The following DCC variants were observed in gnomAD, a reference collection of about 807,000 sequenced individuals.
DCC encodes the protein DCC netrin 1 receptor.
DCC carries 58 observed loss-of-function variants against 172.5 expected under a neutral mutation model. That is an observed-to-expected ratio of 0.34 (90% CI 0.27 to 0.42). The LOEUF (loss-of-function observed/expected upper bound fraction) is 0.42. Among genes scored for constraint, DCC ranks in the 10% least tolerant of loss-of-function variants. The pLI is 1.00. For missense variants in DCC, 1,740 were observed against 1,791.0 expected (o/e 0.97, Z 0.51); for synonymous variants, 709 against 644.5 (o/e 1.10, Z -1.52).
intron 1 of DCC, among the ~76,000 whole-genome samples, chr18:52,644,708 T>C (rs1319898204): frequency 6.6e-6 from 1 of 150,394 alleles, no homozygotes; most frequent in African/African-American, 2.5e-5. Flanking sequence ...TGAGCTATCA[T>C]TGTACCACTG....
intron 1 of DCC, among the ~76,000 whole-genome samples, chr18:52,461,135 C>T (rs907013031): frequency 3.3e-5 from 5 of 152,088 alleles, no homozygotes; most frequent in African/African-American, 9.7e-5. Context: ...AAGCTTTTCT[C>T]TATTTTAAAA....
chr18:53,165,318 G>A (rs2054900641), intron 8 of DCC, among the ~76,000 whole-genome samples: 1 of 152,148 alleles, frequency 6.6e-6, no homozygotes. Flanking sequence ...TCACTGTTCA[G>A]GATTAGAAAC....
intron 21 of DCC, among the ~76,000 whole-genome samples, chr18:53,428,463 T>TTACA (rs1491545104): frequency 3.3e-5 from 1 of 30,046 alleles, no homozygotes; most frequent in Non-Finnish European, 7.1e-5. Flanking sequence ...TTTATATATA[T>TTACA]TATATAATAT....
intron 5 of DCC, among the ~76,000 whole-genome samples, chr18:52,999,457 C>A (rs78328188): frequency 1.3e-4 from 20 of 152,062 alleles, no homozygotes; most frequent in Non-Finnish European, 1.6e-4. Flanking sequence ...GGCTTCTGTG[C>A]GGATGGAGCA....
At chr18:52,524,821 A>G (rs1034688563) in intron 1 of DCC, among the ~76,000 whole-genome samples, 5 of 152,126 alleles carry the variant, frequency 3.3e-5, no homozygotes, top group African/African-American at 1.2e-4. Flanking sequence ...GTTCTATATC[A>G]GATAGCATAT....
At chr18:52,811,275 T>A (rs1490319190) in intron 2 of DCC, among the ~76,000 whole-genome samples, 1 of 152,328 alleles carries the variant, frequency 6.6e-6, no homozygotes, top group East Asian at 1.9e-4. Context: ...ACCCTTTTTC[T>A]TATCACTTTT....
intron 1 of DCC, among the ~76,000 whole-genome samples, chr18:52,543,302 T>C (rs1206724744): frequency 6.6e-6 from 1 of 152,182 alleles, no homozygotes; most frequent in African/African-American, 2.4e-5. Context: ...ATTAAATCAA[T>C]ATATAATTAT....
chr18:52,741,204 T>C (rs146156470), intron 1 of DCC, among the ~76,000 whole-genome samples: 1 of 152,336 alleles, frequency 6.6e-6, no homozygotes, highest in East Asian at 1.9e-4. Flanking sequence ...CTCAAAACCC[T>C]ATTGACTCTA....
chr18:53,371,486 G>C (rs1023308634), intron 15 of DCC, among the ~76,000 whole-genome samples: 1 of 151,940 alleles, frequency 6.6e-6, no homozygotes, highest in Non-Finnish European at 1.5e-5. Context: ...TATTGCATAG[G>C]CATGGAAGTG....
chr18:52,931,962 C>A (rs3819137), intron 5 of DCC: 2 of 151,770 alleles, frequency 1.3e-5, no homozygotes, highest in East Asian at 1.9e-4. Context: ...AAAGAAAAAA[C>A]GAAAATGTTA....
intron 12 of DCC, among the ~76,000 whole-genome samples, chr18:53,220,380 C>A (rs557342622): frequency 3.4e-4 from 52 of 152,184 alleles, no homozygotes; most frequent in African/African-American, 1.3e-3. Context: ...TCATTTCTCT[C>A]CTGTATGTTG....
intron 9 of DCC, among the ~76,000 whole-genome samples, chr18:53,179,329 C>A (rs1397019132): frequency 6.6e-6 from 1 of 152,014 alleles, no homozygotes; most frequent in African/African-American, 2.4e-5. Context: ...GGCAAATTAA[C>A]CTCTATAAAG....
intron 25 of DCC, among the ~76,000 whole-genome samples, chr18:53,484,419 C>G (rs1204970828): frequency 1.3e-5 from 2 of 151,078 alleles, no homozygotes; most frequent in Admixed American, 1.3e-4. Flanking sequence ...CTTTGCTGTG[C>G]AGAAGCTTTT....
At chr18:52,743,188 C>T (rs1445845908) in intron 1 of DCC, among the ~76,000 whole-genome samples, 1 of 152,148 alleles carries the variant, frequency 6.6e-6, no homozygotes, top group East Asian at 1.9e-4. Flanking sequence ...CTCCTTAAAT[C>T]ACACTTTTTC....
rs575292731 is a variant in DCC, at chr18:52,763,828, C to T, written c.412+11454C>T. 8.5e-5 allele frequency among the ~76,000 whole-genome samples: 13 copies of T among 152,230 alleles called. No homozygotes were observed. In the East Asian group the frequency reaches 2.3e-3, roughly 27 times the overall value. On this transcript the variant is annotated intron_variant, in intron 2 of 28. Transcript: ENST00000442544. ...ACATAAATGAGATTATCTGATTATCCTGTGGCTTGTTTTTTCACTTAATGA... is the reference window on the plus strand; with the variant it reads ...ACATAAATGAGATTATCTGATTATCTTGTGGCTTGTTTTTTCACTTAATGA...
chr18:52,416,886 T>G (rs1160424756), intron 1 of DCC, among the ~76,000 whole-genome samples: 4 of 151,882 alleles, frequency 2.6e-5, no homozygotes, highest in Non-Finnish European at 5.9e-5. Context: ...AAAGTGAATA[T>G]TGTTATGTGT....
At position 53,401,320 on chromosome 18, in the gene DCC, C is replaced by T. The variant is rs562271073; in HGVS notation, c.2828-1466C>T. Among the ~76,000 whole-genome samples, 61 of 152,226 alleles carry T rather than the reference C, an allele frequency of 4.0e-4. 1 individual carries two copies. The South Asian group carries it at 0.012, about 29-fold the overall frequency. ...CCCCTCCTCTTCTAATTCTCTTTCT[C>T]CATCCATCCCTTCTTCTTTTTTGAA... On this transcript the variant is annotated intron_variant, in intron 18 of 28. Coordinates refer to ENST00000442544, the MANE Select transcript of DCC (RefSeq NM_005215.4).
intron 22 of DCC, 58 bp downstream of exon 22, chr18:53,435,267 A>G (rs1156389224): frequency 4.9e-6 from 6 of 1,221,588 alleles, no homozygotes; most frequent in East Asian, 4.7e-5. Context: ...GGTTAATTCA[A>G]GAGTGTCTGG....
rs533981938 is a variant in DCC at position 52,367,036 on chromosome 18, C to T, written c.91+26158C>T. On this transcript the variant is annotated intron_variant, in intron 1 of 28. Coordinates refer to ENST00000442544, the MANE Select transcript of DCC (RefSeq NM_005215.4). ...CTCAGGCATGGCGGGCTACAGGTCC[C>T]GAGCCCTGCCCCGCGGGAAGGCAGC... is the stretch of plus-strand genomic sequence containing the variant. Among the ~76,000 whole-genome samples the T allele has an allele frequency of 1.6e-4, 25 of 152,336 alleles. No individual in the cohort carries two copies. The South Asian group carries it at 1.7e-3, about 10-fold the overall frequency.
Sources: gnomAD v4.1 joint callset for allele counts (sites outside exome capture counted in the v4.1 genomes callset) on GRCh38, gnomAD v4.1.1 for gene constraint, MANE v1.5 for transcripts, NCBI Gene and HGNC (gene_info 2026-07-23, HGNC 2026-07-21) for gene names.